Variants in DTNA observed in about 807,000 individuals in gnomAD.
The protein encoded by DTNA is dystrobrevin alpha, also known as dystrophin-related protein 3.
In DTNA, 43 loss-of-function variants were observed where a neutral mutation model predicts 100.7. The ratio of observed to expected loss-of-function variants is 0.43; its 90% CI spans 0.33 to 0.55. The LOEUF is 0.55. DTNA is among the 20% of genes least tolerant of loss of function. The pLI, the probability that DTNA is intolerant of heterozygous loss-of-function variation, is 0.04. For missense variants in DTNA, 798 were observed against 953.9 expected, an observed-to-expected ratio of 0.84 and a Z score of 2.15; for synonymous variants, 349 against 347.9, an observed-to-expected ratio of 1.00 and a Z score of -0.04.
chr18:34,721,676 C>G (rs1202597987), intron 1 of DTNA, among the ~76,000 whole-genome samples: 2 of 152,150 alleles, frequency 1.3e-5, no homozygotes, highest in African/African-American at 4.8e-5. Flanking sequence ...ATCATGAGCC[C>G]CAAAACTACT....
In DTNA at chr18:34,879,578, T is replaced by G; in HGVS notation, c.2021T>G (p.Val674Gly). The stretch of plus-strand genomic sequence containing the variant: ...GTTGGGAGTGAAACAGAGAGTAATG[T>G]GGATTCTGAATTTGCACGGACTCAG... ...SEVGSETESN[V>G]DSEFARTQFE... Residue 674 changes from valine to glycine, a missense_variant, in exon 20 of 23, where the codon GTG becomes GGG. Coordinates refer to ENST00000444659, the MANE Select transcript of DTNA (RefSeq NM_001386795.1). The G allele has an allele frequency of 6.2e-7, 1 of 1,614,060 alleles. No homozygotes were observed. Among genetic ancestry groups the G allele is most frequent in the Non-Finnish European group, 8.5e-7 (1 of 1,179,984 alleles).
intron 1 of DTNA, among the ~76,000 whole-genome samples, chr18:34,736,562 G>A (rs2089633780): frequency 6.6e-6 from 1 of 152,134 alleles, no homozygotes; most frequent in Admixed American, 6.6e-5. Context: ...AGGGTGGACA[G>A]CGAAGATAAA....
intron 20 of DTNA, among the ~76,000 whole-genome samples, chr18:34,880,026 G>A (rs2096857131): frequency 2.0e-5 from 3 of 152,054 alleles, no homozygotes; most frequent in Admixed American, 2.0e-4. Context: ...CACCCTTTTA[G>A]GACTCACAGA....
At chr18:34,589,287 T>C (rs910504600) in intron 1 of DTNA, among the ~76,000 whole-genome samples, 2 of 152,128 alleles carry the variant, frequency 1.3e-5, no homozygotes, top group African/African-American at 4.8e-5. Flanking sequence ...CAAATTAATA[T>C]TCCGTTGTTT....
chr18:34,851,258 G>T (rs1239031812), intron 14 of DTNA, among the ~76,000 whole-genome samples: 2 of 151,996 alleles, frequency 1.3e-5, no homozygotes, highest in African/African-American at 2.4e-5. Context: ...TGTGCCACCA[G>T]GCCCAACTAA....
chr18:34,838,238 C>G lies in DTNA; in HGVS notation c.1253+67C>G, dbSNP rs1009414393. On this transcript the variant is annotated intron_variant, in intron 12 of 22. Transcript: ENST00000444659. ...AACTAAAAATGGAGATTTCTTTTGT[C>G]AAAAATGCTTTGTGTGTGAAAGACT... 1.9e-6 allele frequency: 3 copies of G among 1,550,868 alleles called. No individual in the cohort carries two copies. In the African/African-American group the frequency reaches 4.1e-5, roughly 21 times the overall value.
chr18:34,783,753 G>A (rs2094420722), intron 3 of DTNA, among the ~76,000 whole-genome samples: 1 of 152,162 alleles, frequency 6.6e-6, no homozygotes, highest in Non-Finnish European at 1.5e-5. Flanking sequence ...ACATAAAAAT[G>A]TATCTATTGA....
intron 13 of DTNA, among the ~76,000 whole-genome samples, chr18:34,847,014 C>G (rs142139746): frequency 8.6e-4 from 131 of 152,222 alleles, no homozygotes; most frequent in African/African-American, 2.9e-3. Flanking sequence ...ATGAGAGGAA[C>G]TAGTTTCTGA....
intron 1 of DTNA, among the ~76,000 whole-genome samples, chr18:34,719,048 T>C (rs1343567415): frequency 6.6e-6 from 1 of 151,946 alleles, no homozygotes; most frequent in Non-Finnish European, 1.5e-5. Context: ...TAAGTAGTGG[T>C]GGGATGCAGT....
At chr18:34,728,808 C>T (rs1032301911) in intron 1 of DTNA, among the ~76,000 whole-genome samples, 11 of 152,172 alleles carry the variant, frequency 7.2e-5, no homozygotes, top group African/African-American at 2.7e-4. Context: ...AAGATGGCTG[C>T]CAGTAGCCCC....
intron 7 of DTNA, 133 bp from the exon 8 acceptor site, chr18:34,818,031 C>A: frequency 6.4e-7 from 1 of 1,566,998 alleles, no homozygotes; most frequent in African/African-American, 1.3e-5. Flanking sequence ...AAATGTTTCT[C>A]TGAGCCCAAA....
intron 1 of DTNA, among the ~76,000 whole-genome samples, chr18:34,523,172 A>G (rs7239717): frequency 6.6e-6 from 1 of 152,198 alleles, no homozygotes; most frequent in Non-Finnish European, 1.5e-5. Context: ...ATATTTTCCA[A>G]AAAAAGACCA....
chr18:34,573,144 C>T (rs1598663198), intron 1 of DTNA, among the ~76,000 whole-genome samples: 1 of 152,144 alleles, frequency 6.6e-6, no homozygotes, highest in African/African-American at 2.4e-5. Context: ...TTGCACCTGG[C>T]AACTCCTGTT....
chr18:34,865,227 T>A lies in DTNA; in HGVS notation c.1743+1165T>A, dbSNP rs537868798. ...GGCCCCAACACACCAACATTTGTTGTTTTTATTTTGTCTGTCCTTTCTTTC... is the reference window on the plus strand; with the variant it reads ...GGCCCCAACACACCAACATTTGTTGATTTTATTTTGTCTGTCCTTTCTTTC... On this transcript the variant is annotated intron_variant, in intron 17 of 22. Transcript: ENST00000444659. 2.0e-5 allele frequency among the ~76,000 whole-genome samples: 3 copies of A among 152,318 alleles called. No homozygotes were observed. The East Asian group carries it at 5.8e-4, about 29-fold the overall frequency.
At position 34,875,385 on chromosome 18, in the gene DTNA, G is replaced by C; in HGVS notation, c.1890G>C (p.Glu630Asp). Residue 630 changes from glutamate (E) to aspartate (D), a missense_variant, in exon 18 of 23, where the codon GAG becomes GAC. Around this residue, in one of 6 missense-constraint regions of DTNA, gnomAD observed 242 missense variants for 238.2 expected, o/e 1.02. Coordinates refer to ENST00000444659, the MANE Select transcript of DTNA (RefSeq NM_001386795.1). ...CAGGAGTAGGGGGAGATGTACAAGA[G>C]GCATTTGCACAAAGTAAGTGGCTTT... Reference protein sequence around the residue: ...SLTGVGGDVQEAFAQSSRRNL... With the variant: ...SLTGVGGDVQDAFAQSSRRNL... The C allele has an allele frequency of 1.2e-6, 2 of 1,614,178 alleles. No homozygotes were observed. Among genetic ancestry groups the C allele is most frequent in the Non-Finnish European group, 1.7e-6 (2 of 1,180,040 alleles).
At chr18:34,588,583 A>G (rs181121919) in intron 1 of DTNA, among the ~76,000 whole-genome samples, 141 of 152,220 alleles carry the variant, frequency 9.3e-4, no homozygotes, top group African/African-American at 3.2e-3. Context: ...CTCCCCTATA[A>G]GCTCCTGCAA....
chr18:34,533,129 G>T (rs1156253573), intron 1 of DTNA, among the ~76,000 whole-genome samples: 1 of 151,968 alleles, frequency 6.6e-6, no homozygotes, highest in Non-Finnish European at 1.5e-5. Context: ...TCAGCACTTT[G>T]GGAGGCTGAG....
intron 11 of DTNA, among the ~76,000 whole-genome samples, chr18:34,837,122 C>G (rs1002486033): frequency 3.3e-5 from 5 of 152,024 alleles, no homozygotes; most frequent in Non-Finnish European, 5.9e-5. Flanking sequence ...ATTTGGTATT[C>G]AAACAAAGAC....
chr18:34,498,846 C>T (rs1049121575), intron 1 of DTNA, among the ~76,000 whole-genome samples: 2 of 152,160 alleles, frequency 1.3e-5, no homozygotes, highest in Non-Finnish European at 2.9e-5. Flanking sequence ...TCATACTATA[C>T]ATTTATTTTG....
Sources: gnomAD v4.1 joint callset for allele counts (sites outside exome capture counted in the v4.1 genomes callset) on GRCh38, gnomAD v4.1.1 for gene constraint, gnomAD v4.1.1 regional missense constraint, MANE v1.5 for transcripts, NCBI Gene and HGNC (gene_info 2026-07-23, HGNC 2026-07-21) for gene names.